Variants in DNAH5 observed in about 807,000 individuals in gnomAD.
The protein encoded by DNAH5 is axonemal beta dynein heavy chain 5.
DNAH5 carries 372 observed loss-of-function variants against 518.2 expected under a neutral mutation model. The observed-to-expected ratio is 0.72, with a 90% CI of 0.66 to 0.78. The LOEUF (loss-of-function observed/expected upper bound fraction) is 0.78. Ranked by LOEUF, DNAH5 falls within the 30% of genes least tolerant of loss-of-function variation. DNAH5 has a pLI of 0.00. For missense variants in DNAH5, 5,523 were observed against 5,687.0 expected (o/e 0.97, Z 0.93); for synonymous variants, 2,039 against 2,025.9 (o/e 1.01, Z -0.17).
At chr5:13,723,810 ATGT>A (rs1405655186) in intron 70 of DNAH5, among the ~76,000 whole-genome samples, 1 of 152,236 alleles carries the variant, frequency 6.6e-6, no homozygotes, top group East Asian at 1.9e-4. Flanking sequence ...AGTTGGCCAA[ATGT>A]TGTTGGCAGG....
At chr5:13,845,455 A>G (rs1765854694) in intron 31 of DNAH5, among the ~76,000 whole-genome samples, 1 of 151,976 alleles carries the variant, frequency 6.6e-6, no homozygotes, top group Admixed American at 6.6e-5. Flanking sequence ...CTTAAAAGAG[A>G]ATCCAATGAA....
At chr5:13,847,434 AG>A (rs1766163354) in intron 31 of DNAH5, among the ~76,000 whole-genome samples, 1 of 151,998 alleles carries the variant, frequency 6.6e-6, no homozygotes, top group Non-Finnish European at 1.5e-5. Flanking sequence ...ATAAAAAAAA[AG>A]AAAAATAGGC....
At chr5:13,964,013 G>T (rs1183860217) in intron 1 of DNAH5, among the ~76,000 whole-genome samples, 1 of 152,126 alleles carries the variant, frequency 6.6e-6, no homozygotes, top group Non-Finnish European at 1.5e-5. Context: ...CAAGTCTACA[G>T]TAATTTTACA....
In DNAH5 at chr5:13,867,959, G is replaced by C; in HGVS notation, c.3868C>G (p.Leu1290Val). ...SYALLNRYGL[L>V]IAREEIDKVD... ...TTGTCTATCTCTTCCCTTGCTATCA[G>C]AAGTCCATATCTGTTAAGCAGGGCA... Residue 1290 changes from leucine (L) to valine (V), a missense_variant, in exon 25 of 79, where the codon CTG becomes GTG. Physicochemically the swap from Leu to Val is conservative, Grantham distance 32. This residue lies in a region of DNAH5 where 5,121 missense variants were observed against 5,223.3 expected (regional missense o/e 0.98). Transcript: ENST00000265104. The C allele has an allele frequency of 1.9e-6, 3 of 1,613,752 alleles. No homozygotes were observed. The highest frequency in any genetic ancestry group is 2.5e-6 in the Non-Finnish European group (3 of 1,179,918).
intron 43 of DNAH5, among the ~76,000 whole-genome samples, chr5:13,812,167 C>T (rs1410654642): frequency 6.6e-6 from 1 of 152,068 alleles, no homozygotes; most frequent in Non-Finnish European, 1.5e-5. Context: ...ACTACACTAT[C>T]CATATGCTCA....
chr5:13,911,537 A>G (rs1024005205), intron 11 of DNAH5, 44 bp from the exon 12 acceptor site: 2 of 1,428,466 alleles, frequency 1.4e-6, no homozygotes, highest in Non-Finnish European at 2.0e-6. Flanking sequence ...CAATATTCTT[A>G]TATTACCTAA....
At chr5:13,899,928 T>C in intron 15 of DNAH5, 1 of 428,012 alleles carries the variant, frequency 2.3e-6, no homozygotes, top group South Asian at 2.9e-5. Flanking sequence ...GAATAACTTT[T>C]ATTATAAAAA....
chr5:13,817,608 T>C lies in DNAH5; in HGVS notation c.6928A>G (p.Asn2310Asp), dbSNP rs780924610. ...GAAAATATCCCATCAGTCCAGTCAT[T>C]TGTGGCAACGTCCAGCCGACCAAAC... The part of the protein sequence containing the change: ...QMFGRLDVAT[N>D]DWTDGIFSTL... Residue 2310 changes from asparagine to aspartate, a missense_variant, in exon 42 of 79, where the codon AAT (asparagine) becomes GAT (aspartate). Asn to Asp is a conservative substitution (Grantham distance 23). Transcript: ENST00000265104. The C allele has an allele frequency of 1.2e-6, 2 of 1,614,210 alleles. No individual in the cohort carries two copies. The highest frequency in any genetic ancestry group is 2.2e-5 in the East Asian group (1 of 44,884).
At chr5:13,754,131 G>A in intron 62 of DNAH5, 72 bp downstream of exon 62, 1 of 1,585,656 alleles carries the variant, frequency 6.3e-7, no homozygotes, top group Non-Finnish European at 8.7e-7. Flanking sequence ...AAAGGAATTT[G>A]ATTAAAGTAT....
At chr5:13,814,039 T>C (rs1761083986) in intron 43 of DNAH5, among the ~76,000 whole-genome samples, 1 of 152,178 alleles carries the variant, frequency 6.6e-6, no homozygotes, top group Non-Finnish European at 1.5e-5. Flanking sequence ...CATTTATTTA[T>C]AATATAATTT....
At chr5:13,878,702 T>G (rs996101796) in intron 21 of DNAH5, among the ~76,000 whole-genome samples, 3 of 152,192 alleles carry the variant, frequency 2.0e-5, no homozygotes, top group Non-Finnish European at 4.4e-5. Flanking sequence ...CTTTGCACTT[T>G]TGAGTAGCCA....
At chr5:13,791,946 A>T (rs1173696944) in intron 50 of DNAH5, 48 bp downstream of exon 50, 2 of 1,426,464 alleles carry the variant, frequency 1.4e-6, no homozygotes, top group African/African-American at 2.8e-5. Context: ...TTTAGAATAT[A>T]TCATTAATAG....
chr5:13,836,220 C>G (rs967951980), intron 35 of DNAH5, among the ~76,000 whole-genome samples: 4 of 152,150 alleles, frequency 2.6e-5, no homozygotes, highest in African/African-American at 9.7e-5. Context: ...TGATCAAACA[C>G]GCTAAGGTTA....
chr5:13,712,600 C>T lies in DNAH5; in HGVS notation c.13125+1805G>A, dbSNP rs1012971771. ...GACAAAGAACTAATATCCAGAATCACAACGAACTCAAACAAATCAGTAAGA... is the reference window on the plus strand; with the variant it reads ...GACAAAGAACTAATATCCAGAATCATAACGAACTCAAACAAATCAGTAAGA... On this transcript the variant is annotated intron_variant, in intron 75 of 78. Coordinates refer to ENST00000265104, the MANE Select transcript of DNAH5 (RefSeq NM_001369.3). 1.6e-4 allele frequency among the ~76,000 whole-genome samples: 25 copies of T among 152,124 alleles called. 1 individual carries two copies. The highest frequency in any genetic ancestry group is 9.8e-4 in the Admixed American group (15 of 15,272).
intron 17 of DNAH5, among the ~76,000 whole-genome samples, chr5:13,887,036 T>G (rs998858422): frequency 6.6e-6 from 1 of 152,234 alleles, no homozygotes; most frequent in Non-Finnish European, 1.5e-5. Flanking sequence ...ACTCATTCCA[T>G]GTAAACTAAC....
intron 22 of DNAH5, among the ~76,000 whole-genome samples, chr5:13,873,416 A>G (rs1770419135): frequency 6.6e-6 from 1 of 152,054 alleles, no homozygotes; most frequent in Admixed American, 6.6e-5. Flanking sequence ...GTCTGCCTCA[A>G]TCTTGTTTTT....
chr5:13,891,203 CAGT>C (rs992435900), intron 16 of DNAH5, 82 bp from the exon 17 acceptor site: 2 of 1,438,152 alleles, frequency 1.4e-6, no homozygotes, highest in African/African-American at 1.4e-5. Context: ...GATTAAATGA[CAGT>C]AGTAAAATCA....
chr5:13,797,587 C>T lies in DNAH5; in HGVS notation c.7888-3529G>A, dbSNP rs138331989. ...TGGAAAGGATGTGGAGAAATAGGAACGTTTTTACACTGTTGGTGGGAGTGT... is the reference window on the plus strand; with the variant it reads ...TGGAAAGGATGTGGAGAAATAGGAATGTTTTTACACTGTTGGTGGGAGTGT... On this transcript the variant is annotated intron_variant, in intron 47 of 78. Coordinates refer to ENST00000265104, the MANE Select transcript of DNAH5 (RefSeq NM_001369.3). Among the ~76,000 whole-genome samples the T allele has an allele frequency of 1.1e-3, 175 of 152,198 alleles. 3 individuals are homozygous for T. The East Asian group carries it at 0.02, about 17-fold the overall frequency.
intron 19 of DNAH5, among the ~76,000 whole-genome samples, chr5:13,884,524 T>C (rs938056130): frequency 6.6e-6 from 1 of 152,194 alleles, no homozygotes; most frequent in Non-Finnish European, 1.5e-5. Flanking sequence ...TGTTTAAAAT[T>C]ACGAGAAGGC....
Sources: gnomAD v4.1 joint callset for allele counts (sites outside exome capture counted in the v4.1 genomes callset) on GRCh38, gnomAD v4.1.1 for gene constraint, gnomAD v4.1.1 regional missense constraint, MANE v1.5 for transcripts, NCBI Gene and HGNC (gene_info 2026-07-23, HGNC 2026-07-21) for gene names.